GABRA2: variants seen among roughly 807,000 people sequenced by gnomAD.
The protein encoded by GABRA2 is gamma-aminobutyric acid type A receptor subunit alpha2.
A neutral mutation model predicts 48.7 loss-of-function variants in GABRA2; 16 were observed. The observed-to-expected ratio is 0.33, with a 90% CI of 0.22 to 0.50. GABRA2 has a LOEUF of 0.50. GABRA2 is among the 20% of genes least tolerant of loss of function. GABRA2 has a pLI of 0.98. For missense variants in GABRA2, 275 were observed against 535.6 expected (o/e 0.51, Z 4.80); for synonymous variants, 185 against 184.5 (o/e 1.00, Z -0.02).
intron 3 of GABRA2, chr4:46,364,777 A>T (rs1713782051): frequency 6.6e-6 from 1 of 152,180 alleles, no homozygotes; most frequent in Non-Finnish European, 1.5e-5. Context: ...TCATGTGATT[A>T]GGTCAGACCC....
Position 46,332,597 on chromosome 4 carries a change from A to G in GABRA2, c.255+18T>C. On this transcript the variant is annotated intron_variant, in intron 4 of 9. Coordinates refer to ENST00000381620, the MANE Select transcript of GABRA2 (RefSeq NM_000807.4). ...CCCCATTATGTGAAGTAAAAATACTATTTAATGAAAAACTCACCATATCTG... is the reference window on the plus strand; with the variant it reads ...CCCCATTATGTGAAGTAAAAATACTGTTTAATGAAAAACTCACCATATCTG... The G allele has an allele frequency of 6.7e-7, 1 of 1,482,336 alleles. No individual in the cohort carries two copies. Among genetic ancestry groups the G allele is most frequent in the South Asian group, 1.1e-5 (1 of 87,690 alleles). The allele number at this position is 1,482,336 out of a possible 1,614,324, so 91.8% of individuals were successfully genotyped here.
chr4:46,327,788 G>A (rs1342412810), intron 4 of GABRA2, among the ~76,000 whole-genome samples: 3 of 151,892 alleles, frequency 2.0e-5, no homozygotes, highest in Non-Finnish European at 4.4e-5. Flanking sequence ...AGAAACCAAG[G>A]TCATACTTAC....
At chr4:46,317,876 A>T (rs1413361501) in intron 4 of GABRA2, among the ~76,000 whole-genome samples, 2 of 151,742 alleles carry the variant, frequency 1.3e-5, no homozygotes, top group Non-Finnish European at 3.0e-5. Flanking sequence ...TCTTAAACAC[A>T]TGTTGTAATT....
chr4:46,279,565 G>T (rs1721125481), intron 8 of GABRA2, among the ~76,000 whole-genome samples: 1 of 151,828 alleles, frequency 6.6e-6, no homozygotes, highest in Non-Finnish European at 1.5e-5. Context: ...ATTAAACAGA[G>T]TCATATTGAT....
chr4:46,276,885 C>A (rs1336725445), intron 8 of GABRA2, among the ~76,000 whole-genome samples: 2 of 151,846 alleles, frequency 1.3e-5, no homozygotes, highest in Middle Eastern at 3.2e-3. Context: ...ATAAATGCTA[C>A]TTTTATTTTT....
intron 3 of GABRA2, among the ~76,000 whole-genome samples, chr4:46,349,029 A>C (rs891749303): frequency 6.6e-6 from 1 of 151,966 alleles, no homozygotes; most frequent in Non-Finnish European, 1.5e-5. Context: ...AAGACCCTCC[A>C]CCTGCAGAAA....
chr4:46,366,920 A>C (rs141589000), intron 3 of GABRA2: 42 of 152,172 alleles, frequency 2.8e-4, no homozygotes, highest in African/African-American at 1.0e-3. Flanking sequence ...ATGTGCATCT[A>C]GTGGCTCTTC....
chr4:46,370,532 G>A (rs926264929), intron 3 of GABRA2, among the ~76,000 whole-genome samples: 3 of 152,120 alleles, frequency 2.0e-5, no homozygotes, highest in African/African-American at 7.2e-5. Flanking sequence ...CATGTATAAA[G>A]AATGTAGAGC....
At chr4:46,302,038 T>A (rs1280914896) in intron 8 of GABRA2, among the ~76,000 whole-genome samples, 1 of 152,016 alleles carries the variant, frequency 6.6e-6, no homozygotes, top group African/African-American at 2.4e-5. Context: ...AATAAACTCA[T>A]GGAATGAATA....
At chr4:46,282,684 T>C (rs901893789) in intron 8 of GABRA2, among the ~76,000 whole-genome samples, 3 of 152,194 alleles carry the variant, frequency 2.0e-5, no homozygotes, top group Admixed American at 6.5e-5. Context: ...TTTTGCAAAA[T>C]GATTATTGTT....
chr4:46,282,557 T>C (rs1246184096), intron 8 of GABRA2, among the ~76,000 whole-genome samples: 1 of 152,200 alleles, frequency 6.6e-6, no homozygotes, highest in Non-Finnish European at 1.5e-5. Flanking sequence ...ACAAAGATTC[T>C]GAAATTCCCT....
In GABRA2 at chr4:46,244,498, G is replaced by T. The variant is rs1713337769; in HGVS notation, c.*5810C>A. ...TTTTCAAACCTAGTAAGCTAATTCAGCAATTGCAATCCCACCGGTGGCATC... is the reference window on the plus strand; with the variant it reads ...TTTTCAAACCTAGTAAGCTAATTCATCAATTGCAATCCCACCGGTGGCATC... On this transcript the variant is annotated 3_prime_UTR_variant, in exon 10 of 10. Transcript: ENST00000381620. Among the ~76,000 whole-genome samples the T allele has an allele frequency of 6.6e-6, 1 of 151,526 alleles. No homozygotes were observed. The highest frequency in any genetic ancestry group is 1.5e-5 in the Non-Finnish European group (1 of 67,668).
At chr4:46,339,846 T>G (rs977796249) in intron 3 of GABRA2, among the ~76,000 whole-genome samples, 1 of 151,884 alleles carries the variant, frequency 6.6e-6, no homozygotes, top group Non-Finnish European at 1.5e-5. Context: ...GTCAAGGACT[T>G]CTGAATTTCT....
intron 8 of GABRA2, among the ~76,000 whole-genome samples, chr4:46,295,226 C>T (rs1370896494): frequency 2.0e-5 from 3 of 152,214 alleles, no homozygotes; most frequent in Non-Finnish European, 4.4e-5. Context: ...GAACTTCGAA[C>T]TGTGCATCTG....
Position 46,362,288 on chromosome 4 carries a change from C to T in GABRA2, c.187+23786G>A, listed in dbSNP as rs1578174403. Among the ~76,000 whole-genome samples, 6 of 152,210 alleles carry T rather than the reference C, an allele frequency of 3.9e-5. No individual in the cohort carries two copies. In the South Asian group the frequency reaches 1.2e-3, roughly 32 times the overall value. The stretch of plus-strand genomic sequence containing the variant: ...TCATGAGATCTGATGATTTTAAAAG[C>T]AGGAGTTTCGCTGCACAAGCTCTCT... On this transcript the variant is annotated intron_variant, in intron 3 of 9. Coordinates refer to ENST00000381620, the MANE Select transcript of GABRA2 (RefSeq NM_000807.4).
At chr4:46,296,835 T>C (rs1379375096) in intron 8 of GABRA2, among the ~76,000 whole-genome samples, 1 of 152,194 alleles carries the variant, frequency 6.6e-6, no homozygotes, top group East Asian at 1.9e-4. Flanking sequence ...TGTTTGTGCA[T>C]GTATACACCT....
At chr4:46,258,087 T>C (rs1273335454) in intron 9 of GABRA2, among the ~76,000 whole-genome samples, 1 of 151,796 alleles carries the variant, frequency 6.6e-6, no homozygotes, top group East Asian at 1.9e-4. Flanking sequence ...TATTACCTCG[T>C]AAGTTAAAAG....
intron 3 of GABRA2, among the ~76,000 whole-genome samples, chr4:46,361,006 G>A (rs369496469): frequency 2.0e-5 from 3 of 152,296 alleles, no homozygotes; most frequent in African/African-American, 7.2e-5. Context: ...GATGTGACTT[G>A]GGTGCTGTTA....
chr4:46,377,729 T>TGG (rs67360509), intron 3 of GABRA2, among the ~76,000 whole-genome samples: 1 of 83,136 alleles, frequency 1.2e-5, no homozygotes, highest in Non-Finnish European at 2.5e-5. Context: ...GGGAGGGAGG[T>TGG]GGGGGGGGTC....
Sources: gnomAD v4.1 joint callset for allele counts (sites outside exome capture counted in the v4.1 genomes callset) on GRCh38, gnomAD v4.1.1 for gene constraint, MANE v1.5 for transcripts, NCBI Gene and HGNC (gene_info 2026-07-23, HGNC 2026-07-21) for gene names.